CCDC169: variants seen among roughly 807,000 people sequenced by gnomAD.
CCDC169 encodes coiled-coil domain-containing protein 169.
A neutral mutation model predicts 36.0 loss-of-function variants in CCDC169; 30 were observed. The observed-to-expected ratio is 0.83, with a 90% CI of 0.62 to 1.13. The LOEUF (loss-of-function observed/expected upper bound fraction) is 1.13, where lower values mean the gene tolerates loss of function less well. Ranked by LOEUF, CCDC169 falls within the 50% of genes most tolerant of loss-of-function variation. The probability of loss-of-function intolerance (pLI) is 0.00; values close to 1 mark genes in which losing one functional copy is unlikely to be tolerated. For missense variants in CCDC169, 245 were observed against 245.9 expected (o/e 1.00, Z 0.03); for synonymous variants, 85 against 81.5 (o/e 1.04, Z -0.23).
At chr13:36,250,942 A>G (rs942969893) in intron 6 of CCDC169, among the ~76,000 whole-genome samples, 1 of 152,352 alleles carries the variant, frequency 6.6e-6, no homozygotes, top group South Asian at 2.1e-4. Flanking sequence ...ATATTCCTCA[A>G]TCTCTCAGAG....
chr13:36,243,026 TTCAG>T (rs1448680210), intron 7 of CCDC169, among the ~76,000 whole-genome samples: 1 of 152,188 alleles, frequency 6.6e-6, no homozygotes, highest in East Asian at 1.9e-4. Context: ...TAAACAGAAG[TTCAG>T]ATTCCCCAGG....
At chr13:36,260,654 C>T (rs1207193352) in intron 4 of CCDC169, among the ~76,000 whole-genome samples, 1 of 152,142 alleles carries the variant, frequency 6.6e-6, no homozygotes, top group East Asian at 1.9e-4. Flanking sequence ...AGGTTAAGGT[C>T]TTACAACTGG....
chr13:36,257,028 G>C (rs567496077), intron 4 of CCDC169, among the ~76,000 whole-genome samples: 11 of 152,318 alleles, frequency 7.2e-5, no homozygotes, highest in African/African-American at 2.6e-4. Flanking sequence ...CTAGTGGCCT[G>C]TGGGCCACAG....
At chr13:36,254,711 T>G (rs7332890) in intron 4 of CCDC169, among the ~76,000 whole-genome samples, 1 of 151,566 alleles carries the variant, frequency 6.6e-6, no homozygotes, top group Admixed American at 6.6e-5. Flanking sequence ...CGTACAAACC[T>G]AACACTCTCT....
At chr13:36,255,600 T>C (rs1594032669) in intron 4 of CCDC169, among the ~76,000 whole-genome samples, 1 of 148,444 alleles carries the variant, frequency 6.7e-6, no homozygotes, top group East Asian at 2.0e-4. Flanking sequence ...GAGGCAGAGG[T>C]TGCAGTGAGC....
chr13:36,283,270 C>A, intron 4 of CCDC169, 199 bp downstream of exon 4: 1 of 602,720 alleles, frequency 1.7e-6, no homozygotes, highest in Non-Finnish European at 2.9e-6. Context: ...CTTCAGGACA[C>A]CTGTGAATAT....
At chr13:36,272,331 G>A (rs770735340) in intron 4 of CCDC169, among the ~76,000 whole-genome samples, 8 of 151,812 alleles carry the variant, frequency 5.3e-5, no homozygotes, top group African/African-American at 1.7e-4. Context: ...CCCATGTTTC[G>A]CAGTAATGGG....
intron 6 of CCDC169, among the ~76,000 whole-genome samples, chr13:36,249,108 G>T (rs1371119708): frequency 6.6e-6 from 1 of 152,158 alleles, no homozygotes; most frequent in African/African-American, 2.4e-5. Context: ...ATTCCTCCAG[G>T]ATATAAAAGT....
intron 4 of CCDC169, among the ~76,000 whole-genome samples, chr13:36,272,426 A>G (rs67671642): frequency 0.17 from 26,011 of 152,146 alleles, 2,410 homozygotes; most frequent in African/African-American, 0.23. Flanking sequence ...GTAGTAACAC[A>G]TGTAAAAATT....
intron 4 of CCDC169, among the ~76,000 whole-genome samples, chr13:36,278,892 A>G (rs1877169118): frequency 6.6e-6 from 1 of 152,204 alleles, no homozygotes; most frequent in Admixed American, 6.5e-5. Context: ...ACACACAAAC[A>G]AAACTAAACT....
intron 4 of CCDC169, among the ~76,000 whole-genome samples, chr13:36,255,702 T>C (rs952334257): frequency 6.6e-6 from 1 of 151,244 alleles, no homozygotes. Flanking sequence ...GATCAGACTT[T>C]GGACTTGTCC....
intron 2 of CCDC169, among the ~76,000 whole-genome samples, chr13:36,291,227 T>C (rs531660623): frequency 1.3e-5 from 2 of 152,332 alleles, no homozygotes; most frequent in East Asian, 3.9e-4. Flanking sequence ...CACACTGTTA[T>C]GTTTCACTTA....
At chr13:36,250,971 G>A (rs1361896537) in intron 6 of CCDC169, among the ~76,000 whole-genome samples, 15 of 152,168 alleles carry the variant, frequency 9.9e-5, no homozygotes, top group African/African-American at 3.4e-4. Context: ...AAAATCCTAT[G>A]TTTACAAAGA....
chr13:36,253,103 T>C (rs1466863082), intron 6 of CCDC169, among the ~76,000 whole-genome samples: 1 of 152,138 alleles, frequency 6.6e-6, no homozygotes, highest in Non-Finnish European at 1.5e-5. Flanking sequence ...CTTTCATAAT[T>C]TACTGATCAC....
At chr13:36,275,797 C>A (rs1265108177) in intron 4 of CCDC169, among the ~76,000 whole-genome samples, 1 of 152,068 alleles carries the variant, frequency 6.6e-6, no homozygotes, top group African/African-American at 2.4e-5. Context: ...GAATCTGAAT[C>A]ATGGTAAAGA....
chr13:36,240,994 A>G (rs1027789967), intron 7 of CCDC169, among the ~76,000 whole-genome samples: 14 of 152,112 alleles, frequency 9.2e-5, no homozygotes, highest in African/African-American at 1.4e-4. Context: ...ATTTGTGGTC[A>G]TAATACATAG....
At position 36,283,617 on chromosome 13, in the gene CCDC169, C is replaced by T; in HGVS notation, c.249G>A (p.Val83=). The stretch of plus-strand genomic sequence containing the variant: ...CTGAAGAGTTTCCATGGATTTTTTC[C>T]ACTTTCTCCTTGAGATAAACAATTT... ...EKQIVYLKEK[V]EKIHGNSSDR... is the part of the protein sequence containing the mutation. The change falls in exon 3 of 8, where the codon GTG becomes GTA. Residue 83 remains valine, a synonymous_variant. Transcript: ENST00000239859. The T allele has an allele frequency of 6.4e-7, 1 of 1,551,114 alleles. No homozygotes were observed. The highest frequency in any genetic ancestry group is 1.2e-5 in the South Asian group (1 of 84,036).
chr13:36,263,699 A>G (rs1874886589), intron 4 of CCDC169, among the ~76,000 whole-genome samples: 2 of 152,184 alleles, frequency 1.3e-5, no homozygotes, highest in African/African-American at 4.8e-5. Context: ...TCAGGTAGGT[A>G]TTATTGTTCT....
intron 4 of CCDC169, among the ~76,000 whole-genome samples, chr13:36,274,726 AT>A (rs1372710205): frequency 6.6e-6 from 1 of 152,170 alleles, no homozygotes; most frequent in Non-Finnish European, 1.5e-5. Flanking sequence ...TTTAAAGGTC[AT>A]TTTCCAAGAG....
Sources: gnomAD v4.1 joint callset for allele counts (sites outside exome capture counted in the v4.1 genomes callset) on GRCh38, gnomAD v4.1.1 for gene constraint, MANE v1.5 for transcripts, NCBI Gene and HGNC (gene_info 2026-07-23, HGNC 2026-07-21) for gene names.